PITPNC1: variants seen among roughly 807,000 people sequenced by gnomAD.
The protein encoded by PITPNC1 is cytoplasmic phosphatidylinositol transfer protein 1.
In PITPNC1, 18 loss-of-function variants were observed where a neutral mutation model predicts 44.7. The ratio of observed to expected loss-of-function variants is 0.40; its 90% CI spans 0.28 to 0.60. PITPNC1 has a LOEUF of 0.60. Among genes scored for constraint, PITPNC1 ranks in the 20% least tolerant of loss-of-function variants. PITPNC1 has a pLI of 0.39. For synonymous variants in PITPNC1, 141 were observed against 149.6 expected, an observed-to-expected ratio of 0.94 and a Z score of 0.42; for missense variants, 290 against 418.4, an observed-to-expected ratio of 0.69 and a Z score of 2.68.
intron 1 of PITPNC1, among the ~76,000 whole-genome samples, chr17:67,412,185 A>G (rs1252586542): frequency 6.6e-6 from 1 of 152,206 alleles, no homozygotes; most frequent in African/African-American, 2.4e-5. Context: ...GACTTAGTAA[A>G]TAGCCATTAA....
chr17:67,462,462 C>A (rs1402937755), intron 1 of PITPNC1, among the ~76,000 whole-genome samples: 1 of 151,792 alleles, frequency 6.6e-6, no homozygotes, highest in Non-Finnish European at 1.5e-5. Context: ...AAACTCCTGA[C>A]CTCAGGTGAT....
At chr17:67,641,243 TAATA>T (rs2042089312) in intron 6 of PITPNC1, among the ~76,000 whole-genome samples, 1 of 152,176 alleles carries the variant, frequency 6.6e-6, no homozygotes, top group South Asian at 2.1e-4. Flanking sequence ...GCTCATAAAT[TAATA>T]CATGATCCTT....
In PITPNC1 at chr17:67,676,820, CT is replaced by C. The variant is rs57287879; in HGVS notation, c.682+1288del. On this transcript the variant is annotated intron_variant, in intron 8 of 8. Coordinates refer to ENST00000581322, the MANE Select transcript of PITPNC1 (RefSeq NM_012417.4). This position sits in a 1 kb window ranked among gnomAD's most constrained non-coding sequence, Gnocchi z 4.0. ...ATGGTTCTATAAGCTATGGGCTTTT[CT>C]TTTTTTTTTCTTTTTTTCTTACCTC... Among the ~76,000 whole-genome samples the C allele has an allele frequency of 4.0e-5, 6 of 149,578 alleles. No homozygotes were observed. The highest frequency in any genetic ancestry group is 4.9e-5 in the African/African-American group (2 of 40,610).
chr17:67,475,513 T>C (rs1475929761), intron 1 of PITPNC1, among the ~76,000 whole-genome samples: 1 of 152,174 alleles, frequency 6.6e-6, no homozygotes, highest in African/African-American at 2.4e-5. Context: ...ATTTCAAACA[T>C]AGCGAACACG....
In PITPNC1 at chr17:67,695,288, A is replaced by G. The variant is rs1164412007; in HGVS notation, c.*2400A>G. 6.6e-6 allele frequency: 1 copy of G among 152,142 alleles called. No individual in the cohort carries two copies. Among genetic ancestry groups the G allele is most frequent in the Admixed American group, 6.5e-5 (1 of 15,270 alleles). 9.4% of individuals were successfully genotyped at this position (152,142 alleles called of 1,614,324 possible). Reference sequence around the variant, plus strand: ...GTAAATATTCCTTTAGCTGCTTTGCATATTTAACCCAGTCATCAAAAGGCA... The same window carrying G: ...GTAAATATTCCTTTAGCTGCTTTGCGTATTTAACCCAGTCATCAAAAGGCA... On this transcript the variant is annotated 3_prime_UTR_variant, in exon 9 of 9. Coordinates refer to ENST00000581322, the MANE Select transcript of PITPNC1 (RefSeq NM_012417.4).
chr17:67,652,323 C>G (rs779313114), intron 6 of PITPNC1, among the ~76,000 whole-genome samples: 1 of 152,146 alleles, frequency 6.6e-6, no homozygotes, highest in Non-Finnish European at 1.5e-5. Context: ...CTATCCAAAA[C>G]GAGGACGCAG....
chr17:67,523,409 CAT>C (rs903497127), intron 1 of PITPNC1, among the ~76,000 whole-genome samples: 1 of 152,094 alleles, frequency 6.6e-6, no homozygotes, highest in Non-Finnish European at 1.5e-5. Flanking sequence ...CACAGTCAGA[CAT>C]GTGGCCAACT....
chr17:67,608,444 A>C (rs1366211238), intron 5 of PITPNC1, among the ~76,000 whole-genome samples: 1 of 150,548 alleles, frequency 6.6e-6, no homozygotes, highest in Non-Finnish European at 1.5e-5. Flanking sequence ...ATTGCATTTA[A>C]TTGTCACTTT....
At chr17:67,512,223 G>C (rs2040193292) in intron 1 of PITPNC1, among the ~76,000 whole-genome samples, 1 of 152,232 alleles carries the variant, frequency 6.6e-6, no homozygotes, top group East Asian at 1.9e-4. Context: ...TGGGGGCCGG[G>C]TGCAGTGGCT....
chr17:67,631,657 A>AT lies in PITPNC1; in HGVS notation c.367-486_367-485insT, dbSNP rs10524740. Among the ~76,000 whole-genome samples, 16 of 7,680 alleles carry AT rather than the reference A, an allele frequency of 2.1e-3. 1 individual carries two copies. Among genetic ancestry groups the AT allele is most frequent in the East Asian group, 5.6e-3 (3 of 532 alleles). 5.0% of individuals were successfully genotyped at this position (7,680 alleles called of 152,430 possible). A position where few individuals can be genotyped will look rare whatever the true frequency, so the allele number is the denominator to read the frequency against. ...AACCAAAAAAAAAAAAAAAAAAAAA[A>AT]ATATATATATATATAAAATATATAT... On this transcript the variant is annotated intron_variant, in intron 5 of 8. Coordinates refer to ENST00000581322, the MANE Select transcript of PITPNC1 (RefSeq NM_012417.4).
At chr17:67,562,111 C>T (rs901868194) in intron 4 of PITPNC1, among the ~76,000 whole-genome samples, 1 of 152,226 alleles carries the variant, frequency 6.6e-6, no homozygotes, top group African/African-American at 2.4e-5. Context: ...AACCATCCCC[C>T]ATTCAGAAAA....
intron 2 of PITPNC1, among the ~76,000 whole-genome samples, chr17:67,544,470 A>G (rs1390536990): frequency 6.6e-6 from 1 of 152,232 alleles, no homozygotes; most frequent in East Asian, 1.9e-4. Flanking sequence ...TTTTTCAACC[A>G]TGAAGTGTCA....
At chr17:67,588,931 T>C (rs568477307) in intron 5 of PITPNC1, among the ~76,000 whole-genome samples, 19 of 152,338 alleles carry the variant, frequency 1.2e-4, no homozygotes, top group African/African-American at 4.6e-4. Context: ...TCTTCAACTT[T>C]TATCGTTCTG....
At chr17:67,611,075 G>C (rs997323651) in intron 5 of PITPNC1, among the ~76,000 whole-genome samples, 1 of 152,148 alleles carries the variant, frequency 6.6e-6, no homozygotes, top group Non-Finnish European at 1.5e-5. Flanking sequence ...CAACATACCT[G>C]GTGTTCAGTC....
At chr17:67,424,329 C>T (rs2038713804) in intron 1 of PITPNC1, among the ~76,000 whole-genome samples, 2 of 152,082 alleles carry the variant, frequency 1.3e-5, no homozygotes, top group African/African-American at 4.8e-5. Flanking sequence ...TTAATCCAAA[C>T]TATAACTATG....
At chr17:67,436,723 C>T (rs1333621544) in intron 1 of PITPNC1, among the ~76,000 whole-genome samples, 3 of 151,852 alleles carry the variant, frequency 2.0e-5, no homozygotes, top group Non-Finnish European at 4.4e-5. Context: ...CCAGGGAAAA[C>T]CCAAGGGTCT....
intron 1 of PITPNC1, among the ~76,000 whole-genome samples, chr17:67,402,906 A>G (rs1284666126): frequency 1.3e-5 from 2 of 152,124 alleles, no homozygotes; most frequent in Non-Finnish European, 2.9e-5. Context: ...ACCTCAAGTG[A>G]TCTGCCCACC....
intron 6 of PITPNC1, among the ~76,000 whole-genome samples, chr17:67,657,156 G>A (rs544527161): frequency 5.4e-4 from 79 of 146,182 alleles, no homozygotes; most frequent in South Asian, 2.5e-3. Flanking sequence ...CCCCACCCCC[G>A]TTTTTTTTGT....
At chr17:67,523,364 C>T (rs2040352407) in intron 1 of PITPNC1, among the ~76,000 whole-genome samples, 1 of 152,134 alleles carries the variant, frequency 6.6e-6, no homozygotes, top group African/African-American at 2.4e-5. Flanking sequence ...GAACCCGCAG[C>T]ATAACAGGGA....
Sources: allele counts gnomAD v4.1 joint callset (sites outside exome capture counted in the v4.1 genomes callset), GRCh38; gene constraint gnomAD v4.1.1; non-coding constraint Gnocchi (gnomAD v3.1); transcripts MANE v1.5; gene names NCBI Gene and HGNC (gene_info 2026-07-23, HGNC 2026-07-21).